Variants in WWC2 observed in about 807,000 individuals in gnomAD.
The protein encoded by WWC2 is protein WWC2.
In WWC2, 101 loss-of-function variants were observed where a neutral mutation model predicts 138.5. The ratio of observed to expected loss-of-function variants is 0.73; its 90% confidence interval spans 0.62 to 0.86. The LOEUF is 0.86. Ranked by LOEUF, WWC2 falls within the 40% of genes least tolerant of loss-of-function variation. WWC2 has a pLI of 0.00. For synonymous variants in WWC2, 558 were observed against 538.4 expected (o/e 1.04, Z -0.50); for missense variants, 1,420 against 1,419.4 (o/e 1.00, Z -0.01).
At chr4:183,107,082 C>T (rs1395941805) in intron 1 of WWC2, among the ~76,000 whole-genome samples, 1 of 152,078 alleles carries the variant, frequency 6.6e-6, no homozygotes, top group African/African-American at 2.4e-5. Context: ...CAACACTTCT[C>T]TCTCTTTCTC....
At chr4:183,280,632 C>A (rs1738038978) in intron 16 of WWC2, 144 bp from the exon 17 acceptor site, 1 of 944,538 alleles carries the variant, frequency 1.1e-6, no homozygotes, top group Non-Finnish European at 1.5e-6. Flanking sequence ...GTTTTGGGTT[C>A]TATTTTATTC....
chr4:183,181,059 G>T (rs188573380), intron 1 of WWC2, among the ~76,000 whole-genome samples: 11 of 152,256 alleles, frequency 7.2e-5, no homozygotes, highest in African/African-American at 2.6e-4. Flanking sequence ...TGAGAGAAAT[G>T]TAAACAAATG....
At chr4:183,242,034 A>G (rs937656848) in intron 5 of WWC2, among the ~76,000 whole-genome samples, 1 of 152,254 alleles carries the variant, frequency 6.6e-6, no homozygotes, top group African/African-American at 2.4e-5. Flanking sequence ...AACAATAGAC[A>G]TTTGTTGTAG....
At chr4:183,229,213 G>A (rs1029353318) in intron 4 of WWC2, among the ~76,000 whole-genome samples, 1 of 151,994 alleles carries the variant, frequency 6.6e-6, no homozygotes, top group African/African-American at 2.4e-5. Flanking sequence ...TGTGTATGTT[G>A]TACTTCTAAG....
At chr4:183,199,462 ATTTC>A (rs1735244861) in intron 2 of WWC2, among the ~76,000 whole-genome samples, 2 of 152,230 alleles carry the variant, frequency 1.3e-5, no homozygotes, top group African/African-American at 2.4e-5. Context: ...CTATGTCACT[ATTTC>A]TTCTACATTT....
chr4:183,238,342 C>A (rs1179528203), intron 4 of WWC2, among the ~76,000 whole-genome samples: 2 of 152,184 alleles, frequency 1.3e-5, no homozygotes, highest in African/African-American at 4.8e-5. Context: ...GGCTCTTGCC[C>A]ACATGCCAGC....
intron 1 of WWC2, among the ~76,000 whole-genome samples, chr4:183,188,499 A>G (rs543774903): frequency 6.6e-6 from 1 of 152,166 alleles, no homozygotes; most frequent in East Asian, 1.9e-4. Flanking sequence ...CAGCATCCCA[A>G]AATGCTGGGA....
At chr4:183,108,018 A>G (rs1300412767) in intron 1 of WWC2, among the ~76,000 whole-genome samples, 1 of 152,188 alleles carries the variant, frequency 6.6e-6, no homozygotes, top group Admixed American at 6.5e-5. Flanking sequence ...GGCAAAGTAT[A>G]TATTAATTTT....
rs1370881734 is a variant in WWC2 at position 183,113,517 on chromosome 4, CGCGCGCGT to C, written c.131+13903_131+13910del. Among the ~76,000 whole-genome samples the C allele has an allele frequency of 2.4e-3, 327 of 133,750 alleles. 2 individuals carry two copies. The highest frequency in any genetic ancestry group is 4.1e-3 in the Non-Finnish European group (268 of 64,676). The allele number at this position is 133,750 out of a possible 152,430, so 87.7% of individuals were successfully genotyped here. On this transcript the variant is annotated intron_variant, in intron 1 of 22. Transcript: ENST00000403733. ...GTGTGTGTGTGTGTGTGTGTGTGTG[CGCGCGCGT>C]GCGCGCGCACATGCACGTGCATGCA... is the stretch of plus-strand genomic sequence containing the variant.
intron 1 of WWC2, among the ~76,000 whole-genome samples, chr4:183,181,631 T>C (rs1359634405): frequency 2.0e-5 from 3 of 152,236 alleles, no homozygotes; most frequent in Non-Finnish European, 1.5e-5. Context: ...TAATACAGTG[T>C]ACAAAATACG....
At chr4:183,210,619 T>C (rs2111244866) in intron 4 of WWC2, among the ~76,000 whole-genome samples, 1 of 152,324 alleles carries the variant, frequency 6.6e-6, no homozygotes, top group East Asian at 1.9e-4. Context: ...GGGTATACAT[T>C]CTGAGAAGTG....
chr4:183,289,640 G>A lies in WWC2; in HGVS notation c.3384+5G>A, dbSNP rs752063554. On this transcript the variant is annotated splice_donor_5th_base_variant and intron_variant, in intron 21 of 22. Coordinates refer to ENST00000403733, the MANE Select transcript of WWC2 (RefSeq NM_024949.6). Reference sequence around the variant, plus strand: ...CTGAAGCAAGCTGAGAAGCAGGTACGCAGCTCAGGGTCTGTCATCTCGGAG... The same window carrying A: ...CTGAAGCAAGCTGAGAAGCAGGTACACAGCTCAGGGTCTGTCATCTCGGAG... 1.4e-5 allele frequency: 22 copies of A among 1,613,270 alleles called. No homozygotes were observed. Among genetic ancestry groups the A allele is most frequent in the Admixed American group, 8.3e-5 (5 of 59,950 alleles).
intron 1 of WWC2, among the ~76,000 whole-genome samples, chr4:183,123,240 AACAAT>A (rs1206184876): frequency 6.6e-6 from 1 of 152,226 alleles, no homozygotes. Context: ...AAAAATTTTG[AACAAT>A]ACAAATGTCT....
chr4:183,252,527 G>A (rs1560867875), intron 8 of WWC2, among the ~76,000 whole-genome samples: 1 of 152,182 alleles, frequency 6.6e-6, no homozygotes, highest in African/African-American at 2.4e-5. Flanking sequence ...CTGGGGTCAG[G>A]CAAAATTATG....
chr4:183,154,283 G>A (rs1327868042), intron 1 of WWC2, among the ~76,000 whole-genome samples: 1 of 152,134 alleles, frequency 6.6e-6, no homozygotes, highest in African/African-American at 2.4e-5. Context: ...CTGTGCCTCA[G>A]TTTCCTTATC....
rs1739505029 is a variant in WWC2 at position 183,318,266 on chromosome 4, CTG to C, written c.*2539_*2540del. On this transcript the variant is annotated 3_prime_UTR_variant, in exon 23 of 23. Coordinates refer to ENST00000403733, the MANE Select transcript of WWC2 (RefSeq NM_024949.6). ...AAATGAACAAAGTTTAGCTAAATCT[CTG>C]TAGCATGCAAATCAAATAAATTAAA... 6.6e-6 allele frequency: 1 copy of C among 152,570 alleles called. No individual in the cohort carries two copies. Among genetic ancestry groups the C allele is most frequent in the African/African-American group, 2.4e-5 (1 of 41,442 alleles). The allele number at this position is 152,570 out of a possible 1,614,324, so 9.5% of individuals were successfully genotyped here. A position where few individuals can be genotyped will look rare whatever the true frequency, so the allele number is the denominator to read the frequency against.
intron 4 of WWC2, among the ~76,000 whole-genome samples, chr4:183,217,339 T>TA (rs1735787176): frequency 6.6e-6 from 1 of 152,174 alleles, no homozygotes; most frequent in Admixed American, 6.5e-5. Context: ...TATTGACAGT[T>TA]ACATGTGTAT....
intron 19 of WWC2, among the ~76,000 whole-genome samples, chr4:183,284,824 A>G (rs1738193979): frequency 6.6e-6 from 1 of 152,186 alleles, no homozygotes; most frequent in African/African-American, 2.4e-5. Flanking sequence ...TCTTTTAATA[A>G]TGCTTATAAA....
At chr4:183,292,607 TAA>T (rs36085370) in intron 21 of WWC2, among the ~76,000 whole-genome samples, 1 of 145,810 alleles carries the variant, frequency 6.9e-6, no homozygotes, top group South Asian at 2.2e-4. Flanking sequence ...TATAACTCTT[TAA>T]AAAAAAAAAA....
Sources: allele counts gnomAD v4.1 joint callset (sites outside exome capture counted in the v4.1 genomes callset), GRCh38; gene constraint gnomAD v4.1.1; transcripts MANE v1.5; gene names NCBI Gene and HGNC (gene_info 2026-07-23, HGNC 2026-07-21).